The following SLC25A51 variants were observed in gnomAD, a reference collection of about 807,000 sequenced individuals.
SLC25A51 encodes the protein mitochondrial nicotinamide adenine dinucleotide transporter SLC25A51.
Under a neutral mutation model 19.1 loss-of-function variants are expected in SLC25A51, and 11 were observed. That is an observed-to-expected ratio of 0.58 (90% CI 0.36 to 0.96). The LOEUF (loss-of-function observed/expected upper bound fraction) is 0.96. Among genes scored for constraint, SLC25A51 ranks in the 40% least tolerant of loss-of-function variants. The pLI, the probability that SLC25A51 is intolerant of heterozygous loss-of-function variation, is 0.01. For missense variants in SLC25A51, 201 were observed against 365.4 expected (o/e 0.55, Z 3.67); for synonymous variants, 105 against 133.6 (o/e 0.79, Z 1.47).
exon 4 of SLC25A51, chr9:37,879,400 T>C (rs1423696995): frequency 5.4e-6 from 1 of 185,216 alleles, no homozygotes; most frequent in Non-Finnish European, 1.3e-5. Context: ...TACTCAGATA[T>C]TTGGATTAAA....
At chr9:37,886,890 G>A (rs1246632503), downstream of SLC25A51, among the ~76,000 whole-genome samples, 11 of 152,096 alleles carry the variant, frequency 7.2e-5, no homozygotes, top group African/African-American at 1.7e-4. Context: ...CTGGCTGGGC[G>A]CGGTGGCTCA....
chr9:37,887,554 A>G (rs550392510), downstream of SLC25A51: 42 of 1,371,980 alleles, frequency 3.1e-5, no homozygotes, highest in African/African-American at 4.4e-5. Context: ...GCTTTCCATA[A>G]TAAGATTGGG....
downstream of SLC25A51, chr9:37,885,874 G>A: frequency 6.3e-7 from 1 of 1,591,826 alleles, no homozygotes; most frequent in Non-Finnish European, 8.6e-7. Context: ...CTGATGACGT[G>A]CAAACCCCCC....
chr9:37,885,886 C>T, downstream of SLC25A51: 11 of 1,597,904 alleles, frequency 6.9e-6, no homozygotes, highest in Admixed American at 1.7e-5. Flanking sequence ...AAACCCCCCC[C>T]TCCCCATATA....
intron 2 of SLC25A51, among the ~76,000 whole-genome samples, chr9:37,895,979 A>G (rs1216962121): frequency 6.6e-6 from 1 of 151,970 alleles, no homozygotes; most frequent in Non-Finnish European, 1.5e-5. Context: ...ATGCCCTGCT[A>G]ATTTTTATAT....
intron 2 of SLC25A51, among the ~76,000 whole-genome samples, chr9:37,890,561 G>C (rs1337308910): frequency 6.6e-6 from 1 of 151,912 alleles, no homozygotes; most frequent in African/African-American, 2.4e-5. Context: ...ATAAATTTTT[G>C]GGGCATGATG....
At chr9:37,903,432 C>A (rs1831898552) in intron 1 of SLC25A51, 1 of 152,226 alleles carries the variant, frequency 6.6e-6, no homozygotes, top group East Asian at 1.9e-4. Flanking sequence ...ACCACCAACA[C>A]CATCGTCCCC....
intron 2 of SLC25A51, among the ~76,000 whole-genome samples, chr9:37,893,202 A>T (rs1831638234): frequency 6.6e-6 from 1 of 152,228 alleles, no homozygotes; most frequent in Non-Finnish European, 1.5e-5. Context: ...TCTCTTGTGA[A>T]GCAAATGAAA....
intron 2 of SLC25A51, among the ~76,000 whole-genome samples, chr9:37,895,974 C>T (rs1436099220): frequency 6.6e-6 from 1 of 152,046 alleles, no homozygotes; most frequent in African/African-American, 2.4e-5. Flanking sequence ...CTGCCATGCC[C>T]TGCTAATTTT....
chr9:37,889,756 T>A (rs41436845), intron 2 of SLC25A51, among the ~76,000 whole-genome samples: 18,891 of 147,928 alleles, frequency 0.13, 1,566 homozygotes, highest in South Asian at 0.22. Flanking sequence ...CTGAAAATGA[T>A]TGGAACTAAG....
downstream of SLC25A51, chr9:37,886,219 G>C (rs2118305703): frequency 6.3e-7 from 1 of 1,581,524 alleles, no homozygotes; most frequent in Non-Finnish European, 8.7e-7. Context: ...AGAAAGGACG[G>C]GCTGTCTCAT....
chr9:37,899,755 CCA>C (rs2118374777), intron 2 of SLC25A51, 72 bp downstream of exon 2: 1 of 123,552 alleles, frequency 8.1e-6, no homozygotes. Context: ...CCCCGCCCCC[CCA>C]CCCCCATCAT....
At chr9:37,886,911 C>T (rs1276830377), downstream of SLC25A51, among the ~76,000 whole-genome samples, 1 of 152,114 alleles carries the variant, frequency 6.6e-6, no homozygotes. Flanking sequence ...CACCTGTAAT[C>T]CCAGCACTTT....
intron 1 of SLC25A51, chr9:37,903,745 C>G (rs919252426): frequency 2.6e-5 from 4 of 152,288 alleles, no homozygotes; most frequent in African/African-American, 9.6e-5. Context: ...CCCTGCGGTT[C>G]CTGTGCACCA....
At chr9:37,885,342 TAAAA>T (rs60095173), downstream of SLC25A51, among the ~76,000 whole-genome samples, 143 of 99,276 alleles carry the variant, frequency 1.4e-3, no homozygotes, top group Middle Eastern at 0.013. Context: ...TAGGTAATGA[TAAAA>T]AAAAAAAAAA....
downstream of SLC25A51, among the ~76,000 whole-genome samples, chr9:37,884,897 A>C (rs893557914): frequency 6.6e-6 from 1 of 152,206 alleles, no homozygotes; most frequent in Non-Finnish European, 1.5e-5. Flanking sequence ...CAAACAGAAA[A>C]CTTTCAAACC....
downstream of SLC25A51, among the ~76,000 whole-genome samples, chr9:37,883,333 G>C (rs757535405): frequency 3.5e-4 from 54 of 152,136 alleles, no homozygotes; most frequent in Non-Finnish European, 6.6e-4. Context: ...TGTATTTGCA[G>C]TTTGGTCTTC....
chr9:37,895,732 T>C (rs1295453348), intron 2 of SLC25A51, among the ~76,000 whole-genome samples: 3 of 152,154 alleles, frequency 2.0e-5, no homozygotes, highest in African/African-American at 7.2e-5. Context: ...GAATATTAAA[T>C]ATATCTCAAC....
At chr9:37,884,446 A>G (rs1831407488), downstream of SLC25A51, among the ~76,000 whole-genome samples, 1 of 152,222 alleles carries the variant, frequency 6.6e-6, no homozygotes, top group Admixed American at 6.5e-5. Context: ...CCAAAATGTC[A>G]AAACCCTAAT....
Sources: gnomAD v4.1 joint callset for allele counts (sites outside exome capture counted in the v4.1 genomes callset) on GRCh38, gnomAD v4.1.1 for gene constraint, MANE v1.5 for transcripts, NCBI Gene and HGNC (gene_info 2026-07-23, HGNC 2026-07-21) for gene names.